Variants in RMDN2 observed in about 807,000 individuals in gnomAD.
The protein encoded by RMDN2 is regulator of microtubule dynamics 2, also known as regulator of microtubule dynamics protein 2.
Under a neutral mutation model 52.8 loss-of-function variants are expected in RMDN2, and 61 were observed. The ratio of observed to expected loss-of-function variants is 1.16; its 90% confidence interval spans 0.94 to 1.43. The LOEUF is 1.43. RMDN2 is among the 40% of genes most tolerant of loss of function. The probability of loss-of-function intolerance (pLI) is 0.00; values close to 1 mark genes in which losing one functional copy is unlikely to be tolerated. For missense variants in RMDN2, 592 were observed against 475.3 expected (o/e 1.25, Z -2.28); for synonymous variants, 180 against 153.1 (o/e 1.18, Z -1.30).
intron 2 of RMDN2, among the ~76,000 whole-genome samples, chr2:37,958,850 C>T (rs531863798): frequency 2.0e-4 from 30 of 150,698 alleles, no homozygotes; most frequent in East Asian, 5.8e-4. Flanking sequence ...AGCATGAAGC[C>T]GTGTTGAATT....
intron 10 of RMDN2, among the ~76,000 whole-genome samples, chr2:38,060,225 A>G (rs1427019143): frequency 1.3e-5 from 2 of 151,942 alleles, no homozygotes; most frequent in Admixed American, 6.6e-5. Flanking sequence ...GATTACAGGC[A>G]TGAGCCACCA....
intron 10 of RMDN2, among the ~76,000 whole-genome samples, chr2:38,058,731 C>A (rs1681934136): frequency 6.6e-6 from 1 of 152,080 alleles, no homozygotes; most frequent in Non-Finnish European, 1.5e-5. Context: ...TGTTTCAGAC[C>A]TACCTACTCT....
chr2:37,951,970 G>C (rs776126982), intron 2 of RMDN2: 30 of 1,613,116 alleles, frequency 1.9e-5, no homozygotes, highest in Non-Finnish European at 2.5e-5. Context: ...CTTCATCCTC[G>C]TCCTGAAAGT....
chr2:37,934,268 C>G (rs1667104612), intron 2 of RMDN2, among the ~76,000 whole-genome samples: 1 of 152,182 alleles, frequency 6.6e-6, no homozygotes, highest in African/African-American at 2.4e-5. Flanking sequence ...TTGGGTAGAT[C>G]AGTGGAACAT....
intron 10 of RMDN2, among the ~76,000 whole-genome samples, chr2:38,039,820 C>T (rs1318450667): frequency 6.6e-6 from 1 of 152,152 alleles, no homozygotes; most frequent in Non-Finnish European, 1.5e-5. Context: ...TCGGACCATG[C>T]CATAAGGATT....
chr2:38,041,147 C>G (rs1389175278), intron 10 of RMDN2, among the ~76,000 whole-genome samples: 3 of 152,108 alleles, frequency 2.0e-5, no homozygotes, highest in Non-Finnish European at 4.4e-5. Context: ...TCTCCAGTTT[C>G]ACCATCTGAC....
intron 10 of RMDN2, among the ~76,000 whole-genome samples, chr2:38,041,197 T>G (rs1438394953): frequency 6.6e-6 from 1 of 152,144 alleles, no homozygotes; most frequent in Non-Finnish European, 1.5e-5. Flanking sequence ...AAGAATTAAA[T>G]GAGACAATCA....
chr2:38,060,793 T>A (rs1172376453), intron 10 of RMDN2, among the ~76,000 whole-genome samples: 1 of 150,080 alleles, frequency 6.7e-6, no homozygotes, highest in Non-Finnish European at 1.5e-5. Flanking sequence ...AACAATAAAG[T>A]TAGAGACAGC....
intron 7 of RMDN2, among the ~76,000 whole-genome samples, chr2:37,992,992 G>T (rs1007867754): frequency 1.3e-5 from 2 of 152,074 alleles, no homozygotes; most frequent in Non-Finnish European, 1.5e-5. Flanking sequence ...TCGGCTCACT[G>T]CAGCCTCCAC....
chr2:37,949,077 T>A (rs1668477994), intron 2 of RMDN2, among the ~76,000 whole-genome samples: 1 of 152,164 alleles, frequency 6.6e-6, no homozygotes, highest in Non-Finnish European at 1.5e-5. Context: ...AAAATGACAA[T>A]CAGACCTTAG....
At chr2:37,940,442 G>A (rs1413250272) in intron 2 of RMDN2, among the ~76,000 whole-genome samples, 1 of 152,112 alleles carries the variant, frequency 6.6e-6, no homozygotes, top group Non-Finnish European at 1.5e-5. Flanking sequence ...TTGCTATGTT[G>A]GGGAAGTTCT....
At chr2:38,038,532 G>A (rs1489589869) in intron 10 of RMDN2, among the ~76,000 whole-genome samples, 1 of 152,160 alleles carries the variant, frequency 6.6e-6, no homozygotes, top group Non-Finnish European at 1.5e-5. Flanking sequence ...CCCCCGCCTC[G>A]GAGCCAGCTG....
intron 2 of RMDN2, among the ~76,000 whole-genome samples, chr2:37,937,553 TG>T (rs1667412481): frequency 6.6e-6 from 1 of 152,244 alleles, no homozygotes; most frequent in Admixed American, 6.5e-5. Flanking sequence ...TCCATTTGTT[TG>T]TGTCCTCTCT....
chr2:38,004,075 C>G (rs756405841), intron 9 of RMDN2, 31 bp downstream of exon 9: 3 of 1,605,110 alleles, frequency 1.9e-6, no homozygotes, highest in South Asian at 1.1e-5. Context: ...GCTTTAAGAT[C>G]ACTTTGAACC....
chr2:38,055,060 A>G (rs1438027055), intron 10 of RMDN2, among the ~76,000 whole-genome samples: 1 of 152,186 alleles, frequency 6.6e-6, no homozygotes, highest in Non-Finnish European at 1.5e-5. Context: ...TTGTATTGCA[A>G]GCATTGCTTA....
intron 2 of RMDN2, among the ~76,000 whole-genome samples, chr2:37,958,167 T>C (rs562097351): frequency 6.6e-6 from 1 of 152,348 alleles, no homozygotes; most frequent in Admixed American, 6.5e-5. Context: ...AGTAGTTTTT[T>C]CTAATTCTGT....
At chr2:37,995,997 G>T (rs936460470) in intron 7 of RMDN2, among the ~76,000 whole-genome samples, 1 of 152,126 alleles carries the variant, frequency 6.6e-6, no homozygotes, top group Non-Finnish European at 1.5e-5. Flanking sequence ...GGGAACCATT[G>T]ATTAGCATCT....
chr2:38,042,148 A>G (rs1483473648), intron 10 of RMDN2, among the ~76,000 whole-genome samples: 1 of 152,032 alleles, frequency 6.6e-6, no homozygotes, highest in Non-Finnish European at 1.5e-5. Flanking sequence ...ACTTTAAATT[A>G]TTTATTTCTC....
chr2:37,984,033 T>C (rs1456742487), intron 5 of RMDN2, among the ~76,000 whole-genome samples: 1 of 152,142 alleles, frequency 6.6e-6, no homozygotes, highest in Non-Finnish European at 1.5e-5. Context: ...GTTTACAGTA[T>C]TATATGATGG....
Sources: allele counts gnomAD v4.1 joint callset (sites outside exome capture counted in the v4.1 genomes callset), GRCh38; gene constraint gnomAD v4.1.1; transcripts MANE v1.5; gene names NCBI Gene and HGNC (gene_info 2026-07-23, HGNC 2026-07-21).